Variants in LMBRD1 observed in about 807,000 individuals in gnomAD.
The protein encoded by LMBRD1 is LMBR1 domain containing 1.
A neutral mutation model predicts 74.8 loss-of-function variants in LMBRD1; 64 were observed. That is an observed-to-expected ratio of 0.86 (90% confidence interval 0.70 to 1.05). The LOEUF is 1.05. Among genes scored for constraint, LMBRD1 ranks in the 50% least tolerant of loss-of-function variants. LMBRD1 has a pLI of 0.00. For synonymous variants in LMBRD1, 204 were observed against 216.3 expected, an observed-to-expected ratio of 0.94 and a Z score of 0.50; for missense variants, 652 against 645.9, an observed-to-expected ratio of 1.01 and a Z score of -0.10.
chr6:69,706,628 ATATTCT>A (rs1446618639), intron 9 of LMBRD1, among the ~76,000 whole-genome samples: 2 of 152,114 alleles, frequency 1.3e-5, no homozygotes, highest in Non-Finnish European at 2.9e-5. Flanking sequence ...TAGGTCTTCT[ATATTCT>A]TACTCTATTT....
chr6:69,760,884 GC>G (rs1481449091), intron 3 of LMBRD1, among the ~76,000 whole-genome samples: 1 of 152,064 alleles, frequency 6.6e-6, no homozygotes, highest in Non-Finnish European at 1.5e-5. Flanking sequence ...AAAACCCGAG[GC>G]CTGTCTCAAC....
chr6:69,731,497 A>T (rs1766857478), intron 7 of LMBRD1, among the ~76,000 whole-genome samples: 1 of 152,094 alleles, frequency 6.6e-6, no homozygotes, highest in African/African-American at 2.4e-5. Context: ...CAATGGTTCA[A>T]CTTAGGATTT....
At chr6:69,789,713 G>A (rs1470058471) in intron 2 of LMBRD1, among the ~76,000 whole-genome samples, 1 of 152,162 alleles carries the variant, frequency 6.6e-6, no homozygotes, top group Non-Finnish European at 1.5e-5. Flanking sequence ...CAGTTCCTGA[G>A]TCACAGAAGC....
chr6:69,784,434 T>C (rs1205930801), intron 2 of LMBRD1, among the ~76,000 whole-genome samples: 2 of 152,154 alleles, frequency 1.3e-5, no homozygotes, highest in Non-Finnish European at 2.9e-5. Flanking sequence ...ACCATAAAAA[T>C]GGTGGTTCTC....
chr6:69,699,805 C>T lies in LMBRD1; in HGVS notation c.1189-613G>A, dbSNP rs560919361. Among the ~76,000 whole-genome samples, 7 of 151,868 alleles carry T rather than the reference C, an allele frequency of 4.6e-5. No homozygotes were observed. In the East Asian group the frequency reaches 9.6e-4, roughly 21 times the overall value. On this transcript the variant is annotated intron_variant, in intron 12 of 15. Coordinates refer to ENST00000649934, the MANE Select transcript of LMBRD1 (RefSeq NM_018368.4). The stretch of plus-strand genomic sequence containing the variant: ...CCTGTTTTATTACTAGATTGTAGTA[C>T]ACCACAATTGTACTATTGTAGTACA...
In LMBRD1 at chr6:69,675,783, C is replaced by T; in HGVS notation, c.*375G>A. ...ATCAGAGAGAGACACTTTAAAATTC[C>T]ACATCACTCTGGAGAACCTAAGGCA... On this transcript the variant is annotated 3_prime_UTR_variant, in exon 16 of 16. Transcript: ENST00000649934. 1.4e-5 allele frequency: 3 copies of T among 209,568 alleles called. No individual in the cohort carries two copies. The highest frequency in any genetic ancestry group is 2.3e-5 in the African/African-American group (1 of 42,744). 13.0% of individuals were successfully genotyped at this position (209,568 alleles called of 1,614,324 possible).
intron 1 of LMBRD1, among the ~76,000 whole-genome samples, chr6:69,793,786 T>C (rs1200896352): frequency 6.7e-6 from 1 of 148,328 alleles, no homozygotes; most frequent in Non-Finnish European, 1.5e-5. Flanking sequence ...CAGAGCTTGC[T>C]GCAACTGCCT....
intron 3 of LMBRD1, among the ~76,000 whole-genome samples, chr6:69,773,137 G>A (rs932635456): frequency 6.6e-6 from 1 of 152,110 alleles, no homozygotes; most frequent in African/African-American, 2.4e-5. Context: ...TACCCAATAT[G>A]GTAGTTTTGG....
In LMBRD1 at chr6:69,675,936, A is replaced by G. The variant is rs2149832070; in HGVS notation, c.*222T>C. 1.9e-5 allele frequency: 10 copies of G among 513,780 alleles called. No homozygotes were observed. The highest frequency in any genetic ancestry group is 1.7e-4 in the East Asian group (5 of 28,884). 31.8% of individuals were successfully genotyped at this position (513,780 alleles called of 1,614,324 possible). On this transcript the variant is annotated 3_prime_UTR_variant, in exon 16 of 16. Transcript: ENST00000649934. ...ATTTTGCACAAACATTCCCTCACAA[A>G]GCCAGTAGTCTTATATTTACATAGC...
intron 2 of LMBRD1, among the ~76,000 whole-genome samples, chr6:69,786,347 A>G (rs950912898): frequency 1.1e-4 from 17 of 152,230 alleles, no homozygotes; most frequent in African/African-American, 4.1e-4. Context: ...AAAGATATTC[A>G]TAATTAGGGA....
At chr6:69,757,965 A>T (rs1478342989) in intron 3 of LMBRD1, among the ~76,000 whole-genome samples, 7 of 152,172 alleles carry the variant, frequency 4.6e-5, no homozygotes. Flanking sequence ...CTCATGAAAC[A>T]AGTTGGTTTT....
At position 69,705,687 on chromosome 6, in the gene LMBRD1, G is replaced by C. The variant is rs1306543468; in HGVS notation, c.916-3734C>G. 5.4e-6 allele frequency: 5 copies of C among 928,526 alleles called. No homozygotes were observed. In the African/African-American group the frequency reaches 8.2e-5, roughly 15 times the overall value. 57.5% of individuals were successfully genotyped at this position (928,526 alleles called of 1,614,324 possible). ...ATCATCATCATCATCTTCATCAGTA[G>C]CAAGTTTTACTTTTTTCTGTGGAAC... On this transcript the variant is annotated intron_variant, in intron 9 of 15. Transcript: ENST00000649934.
chr6:69,756,286 C>T (rs59727335), intron 3 of LMBRD1, among the ~76,000 whole-genome samples: 16,586 of 151,380 alleles, frequency 0.11, 2,555 homozygotes, highest in African/African-American at 0.34. Flanking sequence ...TTGCTTAAAC[C>T]CAGGAGGCGG....
At chr6:69,708,125 G>T (rs574435232) in intron 9 of LMBRD1, among the ~76,000 whole-genome samples, 5 of 152,174 alleles carry the variant, frequency 3.3e-5, no homozygotes, top group African/African-American at 1.2e-4. Context: ...AGGCCAATTA[G>T]CTGTATAAGC....
intron 2 of LMBRD1, among the ~76,000 whole-genome samples, chr6:69,784,173 T>C (rs1027723200): frequency 6.6e-6 from 1 of 152,242 alleles, no homozygotes; most frequent in Non-Finnish European, 1.5e-5. Flanking sequence ...TATAAACTAT[T>C]GCCTCTCGAA....
rs759582466 is a variant in LMBRD1 at position 69,738,040 on chromosome 6, A to G, written c.563-25T>C. 8.6e-6 allele frequency: 13 copies of G among 1,505,560 alleles called. No homozygotes were observed. In the East Asian group the frequency reaches 3.0e-4, roughly 35 times the overall value. 93.3% of individuals were successfully genotyped at this position (1,505,560 alleles called of 1,614,324 possible). ...TCTGTGAAGAAAGAAAAACTGTTAA[A>G]AATGTACATATATACTACTCAAATC... is the stretch of plus-strand genomic sequence containing the variant. On this transcript the variant is annotated intron_variant, in intron 6 of 15. Transcript: ENST00000649934.
chr6:69,715,460 T>C (rs1234504608), intron 8 of LMBRD1, among the ~76,000 whole-genome samples: 1 of 152,004 alleles, frequency 6.6e-6, no homozygotes, highest in Admixed American at 6.6e-5. Flanking sequence ...GAGAAACAAA[T>C]ACTAAGATGT....
intron 2 of LMBRD1, among the ~76,000 whole-genome samples, chr6:69,789,621 T>C (rs1009497131): frequency 7.2e-5 from 11 of 152,020 alleles, no homozygotes; most frequent in African/African-American, 2.4e-4. Context: ...TTTGTAATCA[T>C]GTATTATTAA....
In LMBRD1 at chr6:69,700,808, A is replaced by T. The variant is rs1039941399; in HGVS notation, c.1145T>A (p.Met382Lys). The stretch of plus-strand genomic sequence containing the variant: ...TATGCCAATATTTCGAATTCCTGCC[A>T]TTGAAGTAAAAATAAAGTACATAAT... ...IIIMYFIFTS[M>K]AGIRNIGIWF... The change falls in exon 12 of 16, where the codon ATG becomes AAG. Residue 382 changes from methionine (M) to lysine (K), a missense_variant. By Grantham distance (95) the Met-to-Lys change is moderately conservative. Around this residue, in one of 3 missense-constraint regions of LMBRD1, gnomAD observed 598 missense variants for 581.8 expected, o/e 1.03. Transcript: ENST00000649934. The T allele has an allele frequency of 2.0e-6, 3 of 1,518,536 alleles. No homozygotes were observed. The highest frequency in any genetic ancestry group is 1.8e-6 in the Non-Finnish European group (2 of 1,113,222). The allele number at this position is 1,518,536 out of a possible 1,614,324, so 94.1% of individuals were successfully genotyped here.
Sources: allele counts gnomAD v4.1 joint callset (sites outside exome capture counted in the v4.1 genomes callset), GRCh38; gene constraint gnomAD v4.1.1; regional missense constraint gnomAD v4.1.1; transcripts MANE v1.5; gene names NCBI Gene and HGNC (gene_info 2026-07-23, HGNC 2026-07-21).